USP33: variants seen among roughly 807,000 people sequenced by gnomAD.
The protein encoded by USP33 is ubiquitin carboxyl-terminal hydrolase 33.
A neutral mutation model predicts 124.2 loss-of-function variants in USP33; 46 were observed. The observed-to-expected ratio is 0.37, with a 90% CI of 0.29 to 0.47. USP33 has a LOEUF of 0.47. Ranked by LOEUF, USP33 falls within the 20% of genes least tolerant of loss-of-function variation. The pLI, the probability that USP33 is intolerant of heterozygous loss-of-function variation, is 0.99. For missense variants in USP33, 851 were observed against 1,070.6 expected, an observed-to-expected ratio of 0.79 and a Z score of 2.86; for synonymous variants, 350 against 352.3, an observed-to-expected ratio of 0.99 and a Z score of 0.07.
At chr1:77,705,117 TAA>T (rs1432573442) in intron 21 of USP33, among the ~76,000 whole-genome samples, 1 of 91,422 alleles carries the variant, frequency 1.1e-5, no homozygotes, top group Non-Finnish European at 2.0e-5. Context: ...ATGCTTTGTT[TAA>T]AAAAAAAAGG....
At chr1:77,741,851 T>C in intron 1 of USP33, 103 bp from the exon 2 acceptor site, 6 of 1,094,830 alleles carry the variant, frequency 5.5e-6, no homozygotes, top group Non-Finnish European at 7.5e-6. Flanking sequence ...TTAAAAATGA[T>C]TAAAAGATAA....
Position 77,736,226 on chromosome 1 carries a change from TTA to T in USP33, c.352-70_352-69del, listed in dbSNP as rs1242885153. ...ATTTAAAAAAAGTTTTAATTGTAAC[TTA>T]TATAACATCTATACCATAAAAATTA... On this transcript the variant is annotated intron_variant, in intron 5 of 23. Coordinates refer to ENST00000370794, the MANE Select transcript of USP33 (RefSeq NM_201624.3). 2.7e-5 allele frequency: 27 copies of T among 1,006,612 alleles called. No homozygotes were observed. The African/African-American group carries it at 4.1e-4, about 15-fold the overall frequency. The allele number at this position is 1,006,612 out of a possible 1,614,324, so 62.4% of individuals were successfully genotyped here.
At chr1:77,757,095 C>CA (rs1680870583) in intron 1 of USP33, among the ~76,000 whole-genome samples, 2 of 152,222 alleles carry the variant, frequency 1.3e-5, no homozygotes, top group Admixed American at 1.3e-4. Context: ...TTAATCTGTT[C>CA]ACATTACAAA....
At chr1:77,734,992 G>A (rs550490491) in intron 6 of USP33, among the ~76,000 whole-genome samples, 135 of 152,072 alleles carry the variant, frequency 8.9e-4, no homozygotes, top group African/African-American at 2.7e-3. Flanking sequence ...GCATGGTGGC[G>A]GGTGCCTGTA....
chr1:77,731,990 G>C (rs1677871240), intron 7 of USP33, among the ~76,000 whole-genome samples: 1 of 151,792 alleles, frequency 6.6e-6, no homozygotes, highest in Non-Finnish European at 1.5e-5. Context: ...TGTGGTCGTA[G>C]CTACTTGGCA....
At chr1:77,718,671 T>A (rs1455234106) in intron 15 of USP33, 30 bp from the exon 16 acceptor site, 4 of 1,554,480 alleles carry the variant, frequency 2.6e-6, no homozygotes, top group African/African-American at 1.4e-5. Flanking sequence ...AATCAATTAG[T>A]CTACAAAAAA....
At chr1:77,739,200 A>G in intron 5 of USP33, 65 bp downstream of exon 5, 2 of 1,538,160 alleles carry the variant, frequency 1.3e-6, no homozygotes, top group East Asian at 2.3e-5. Flanking sequence ...TTTCAGCTAC[A>G]TGACAAATTC....
At position 77,714,686 on chromosome 1, in the gene USP33, A is replaced by G; in HGVS notation, c.2143T>C (p.Trp715Arg). The change falls in exon 19 of 24, where the codon TGG (tryptophan) becomes CGG (arginine). Residue 715 changes from tryptophan (W) to arginine (R), a missense_variant. Physicochemically the swap from Trp to Arg is moderately radical, Grantham distance 101 (BLOSUM62 -3). This residue lies in a region of USP33 where 281 missense variants were observed against 425.0 expected (regional missense o/e 0.66). Coordinates refer to ENST00000370794, the MANE Select transcript of USP33 (RefSeq NM_201624.3). ...SLLQFYISRQWLNKFKTFAEP... is the reference protein window; with the variant it reads ...SLLQFYISRQRLNKFKTFAEP... Reference sequence around the variant, plus strand: ...GCAAAGGTCTTAAATTTATTAAGCCACTGTCGAGAAATATAAAACTGAAGG... The same window carrying G: ...GCAAAGGTCTTAAATTTATTAAGCCGCTGTCGAGAAATATAAAACTGAAGG... The G allele has an allele frequency of 6.2e-7, 1 of 1,613,306 alleles. No individual in the cohort carries two copies. Among genetic ancestry groups the G allele is most frequent in the Non-Finnish European group, 8.5e-7 (1 of 1,179,966 alleles).
chr1:77,705,174 A>G, intron 21 of USP33, among the ~76,000 whole-genome samples: 1 of 151,712 alleles, frequency 6.6e-6, no homozygotes, highest in South Asian at 2.1e-4. Context: ...TTATAGAATA[A>G]TAATAGGTTT....
chr1:77,726,035 C>T (rs1185776987), intron 10 of USP33, among the ~76,000 whole-genome samples: 5 of 152,128 alleles, frequency 3.3e-5, no homozygotes, highest in African/African-American at 9.7e-5. Flanking sequence ...CTGCAACCTC[C>T]GCATCCTGGA....
At chr1:77,759,028 G>C (rs1439074729) in intron 1 of USP33, among the ~76,000 whole-genome samples, 1 of 152,148 alleles carries the variant, frequency 6.6e-6, no homozygotes, top group Non-Finnish European at 1.5e-5. Flanking sequence ...TTGTATACGA[G>C]AAATATAAGT....
chr1:77,745,555 G>A (rs1679656824), intron 1 of USP33: 1 of 152,160 alleles, frequency 6.6e-6, no homozygotes, highest in Non-Finnish European at 1.5e-5. Context: ...TGCAGTGGCT[G>A]GTACCGGTTG....
chr1:77,712,593 T>C (rs922584369), intron 20 of USP33, among the ~76,000 whole-genome samples: 1 of 152,128 alleles, frequency 6.6e-6, no homozygotes, highest in East Asian at 1.9e-4. Context: ...ACTTTGGACT[T>C]TGGGAGGCCA....
rs1469933007 is a variant in USP33 at position 77,750,624 on chromosome 1, A to AAAAGAAACAAAG, written c.-51-8877_-51-8876insCTTTGTTTCTTT. ...GCAACACAGCAAGACCCTGACTTAA[A>AAAAGAAACAAAG]AAAGAAAGAAAGAAAGAAAGAAAGA... On this transcript the variant is annotated intron_variant, in intron 1 of 23. Coordinates refer to ENST00000370794, the MANE Select transcript of USP33 (RefSeq NM_201624.3). 4.6e-3 allele frequency among the ~76,000 whole-genome samples: 562 copies of AAAAGAAACAAAG among 123,386 alleles called. 5 individuals carry two copies. The highest frequency in any genetic ancestry group is 0.014 in the African/African-American group (443 of 31,582). 80.9% of individuals were successfully genotyped at this position (123,386 alleles called of 152,430 possible).
intron 6 of USP33, among the ~76,000 whole-genome samples, chr1:77,734,978 C>T (rs1415216550): frequency 6.6e-6 from 1 of 151,988 alleles, no homozygotes; most frequent in Non-Finnish European, 1.5e-5. Context: ...AAAAAATTTG[C>T]CGGGCATGGT....
At chr1:77,745,529 C>A (rs188597097) in intron 1 of USP33, 1 of 152,302 alleles carries the variant, frequency 6.6e-6, no homozygotes, top group Non-Finnish European at 1.5e-5. Context: ...ATGGTCTTTA[C>A]AATTTGGCAT....
At chr1:77,715,612 T>C in intron 18 of USP33, 130 bp downstream of exon 18, 1 of 1,082,906 alleles carries the variant, frequency 9.2e-7, no homozygotes, top group Non-Finnish European at 1.3e-6. Context: ...TTCACTGTAT[T>C]TTACTGTAAT....
chr1:77,723,469 A>C, intron 11 of USP33, 26 bp from the exon 12 acceptor site: 2 of 1,485,762 alleles, frequency 1.3e-6, no homozygotes, highest in Non-Finnish European at 1.8e-6. Context: ...ATTAAAAAAA[A>C]ATCAAAGCAG....
intron 1 of USP33, 110 bp from the exon 2 acceptor site, chr1:77,741,858 A>G: frequency 1.9e-6 from 2 of 1,051,946 alleles, no homozygotes; most frequent in South Asian, 4.5e-5. Context: ...TGATTAAAAG[A>G]TAACATAAGA....
Sources: gnomAD v4.1 joint callset for allele counts (sites outside exome capture counted in the v4.1 genomes callset) on GRCh38, gnomAD v4.1.1 for gene constraint, gnomAD v4.1.1 regional missense constraint, MANE v1.5 for transcripts, NCBI Gene and HGNC (gene_info 2026-07-23, HGNC 2026-07-21) for gene names.